Variants in SDK1 observed in about 807,000 individuals in gnomAD.
SDK1 encodes sidekick cell adhesion molecule 1, also known as protein sidekick-1.
SDK1 carries 157 observed loss-of-function variants against 245.5 expected under a neutral mutation model. The ratio of observed to expected loss-of-function variants is 0.64; its 90% CI spans 0.56 to 0.73. SDK1 has a LOEUF of 0.73. Among genes scored for constraint, SDK1 ranks in the 30% least tolerant of loss-of-function variants. SDK1 has a pLI of 0.00. For missense variants in SDK1, 3,583 were observed against 3,002.3 expected, an observed-to-expected ratio of 1.19 and a Z score of -4.52; for synonymous variants, 1,647 against 1,278.5, an observed-to-expected ratio of 1.29 and a Z score of -6.15.
rs187029351 is a variant in SDK1 at position 3,543,653 on chromosome 7, G to C, written c.299-75427G>C. ...GGTGCACTCTGTATGTTTCTCAGCA[G>C]GCAGAGCGCTGGGTTTGTTGAGTGA... On this transcript the variant is annotated intron_variant, in intron 1 of 44. Transcript: ENST00000404826. 2.6e-3 allele frequency among the ~76,000 whole-genome samples: 392 copies of C among 149,916 alleles called. 2 individuals carry two copies. The highest frequency in any genetic ancestry group is 9.5e-3 in the African/African-American group (373 of 39,250).
At chr7:3,772,270 T>G (rs933059861) in intron 4 of SDK1, among the ~76,000 whole-genome samples, 11 of 152,122 alleles carry the variant, frequency 7.2e-5, no homozygotes, top group Non-Finnish European at 1.2e-4. Flanking sequence ...ATATTCTACG[T>G]CTGTTTTTCT....
At chr7:3,834,370 A>G (rs74890490) in intron 5 of SDK1, among the ~76,000 whole-genome samples, 5,816 of 152,334 alleles carry the variant, frequency 0.038, 168 homozygotes, top group Middle Eastern at 0.095. Flanking sequence ...GCACCAGGAA[A>G]TGACAGGAAC....
At chr7:4,151,264 C>G (rs1266324186) in intron 30 of SDK1, among the ~76,000 whole-genome samples, 1 of 152,170 alleles carries the variant, frequency 6.6e-6, no homozygotes, top group African/African-American at 2.4e-5. Flanking sequence ...AGCTCCAGCT[C>G]TCTGTGGCCC....
chr7:3,639,106 C>A lies in SDK1; in HGVS notation c.561C>A (p.Val187=), dbSNP rs369937179. The A allele has an allele frequency of 1.3e-6, 2 of 1,583,894 alleles. No homozygotes were observed. Among genetic ancestry groups the A allele is most frequent in the South Asian group, 1.1e-5 (1 of 88,196 alleles). ...ALLQRKSEVQ[V]AYMGSFMDTD... is the part of the protein sequence containing the mutation. ...TGCAAAGAAAATCAGAAGTTCAAGT[C>A]GCATGTATGTGTACAGTAAGGAGAT... Residue 187 remains valine, a synonymous_variant, in exon 3 of 45, where the codon GTC becomes GTA. Transcript: ENST00000404826.
chr7:3,941,457 G>GC (rs1004138575), intron 5 of SDK1, among the ~76,000 whole-genome samples: 78 of 151,766 alleles, frequency 5.1e-4, no homozygotes, highest in Admixed American at 3.0e-3. Context: ...CCACGCCCAT[G>GC]CCCCCCCACT....
intron 22 of SDK1, among the ~76,000 whole-genome samples, chr7:4,088,458 A>G (rs971831656): frequency 6.6e-6 from 1 of 152,130 alleles, no homozygotes; most frequent in African/African-American, 2.4e-5. Flanking sequence ...ATCATCAGGT[A>G]TGACATTTAC....
intron 1 of SDK1, among the ~76,000 whole-genome samples, chr7:3,566,891 C>G (rs188603357): frequency 2.0e-5 from 3 of 152,030 alleles, no homozygotes; most frequent in African/African-American, 7.2e-5. Context: ...CCTTATTACA[C>G]TAGCAAGAGT....
chr7:4,181,252 G>A (rs139281101), intron 35 of SDK1, among the ~76,000 whole-genome samples: 41 of 152,354 alleles, frequency 2.7e-4, no homozygotes, highest in Middle Eastern at 3.4e-3. Flanking sequence ...AGGTTCAACC[G>A]GGTTGTAGCA....
chr7:3,386,195 TATC>T (rs1428643149), intron 1 of SDK1, among the ~76,000 whole-genome samples: 1 of 152,200 alleles, frequency 6.6e-6, no homozygotes, highest in Non-Finnish European at 1.5e-5. Context: ...CCAGCCAAAT[TATC>T]ATAACTGATT....
chr7:3,725,119 A>G (rs1778970641), intron 4 of SDK1, among the ~76,000 whole-genome samples: 1 of 152,182 alleles, frequency 6.6e-6, no homozygotes, highest in Non-Finnish European at 1.5e-5. Flanking sequence ...CTTTTTCAGT[A>G]GATAGAGGAA....
chr7:3,584,099 C>T (rs544103538), intron 1 of SDK1, among the ~76,000 whole-genome samples: 1 of 152,164 alleles, frequency 6.6e-6, no homozygotes, highest in Non-Finnish European at 1.5e-5. Context: ...ATACTTTTTC[C>T]CTTAGTATGT....
At chr7:3,565,976 AATG>A (rs1402968909) in intron 1 of SDK1, among the ~76,000 whole-genome samples, 3 of 152,218 alleles carry the variant, frequency 2.0e-5, no homozygotes, top group Admixed American at 6.5e-5. Flanking sequence ...TCCAATTAAA[AATG>A]AATAAAAACA....
rs375251337 is a variant in SDK1, at chr7:3,571,723, G to A, written c.299-47357G>A. 2.0e-5 allele frequency among the ~76,000 whole-genome samples: 3 copies of A among 152,060 alleles called. No individual in the cohort carries two copies. The East Asian group carries it at 5.8e-4, about 29-fold the overall frequency. ...AGTAATCTGCTTTGAATCATGTGAG[G>A]AGCTCAATGAATATAACATTCTTGG... On this transcript the variant is annotated intron_variant, in intron 1 of 44. Transcript: ENST00000404826.
At chr7:4,197,075 C>T (rs193250940) in intron 35 of SDK1, among the ~76,000 whole-genome samples, 12 of 152,168 alleles carry the variant, frequency 7.9e-5, no homozygotes, top group Non-Finnish European at 1.0e-4. Context: ...GCAATCCACA[C>T]GGGCAAACAT....
chr7:4,051,863 A>C lies in SDK1; in HGVS notation c.2911+33A>C, dbSNP rs762513834. On this transcript the variant is annotated intron_variant, in intron 19 of 44. Coordinates refer to ENST00000404826, the MANE Select transcript of SDK1 (RefSeq NM_152744.4). ...TTCCTTTCTGCGTGTCTCTTAAGTC[A>C]CTTGTCAAAGAGGTGTATACCGCTG... The C allele has an allele frequency of 5.1e-6, 8 of 1,580,800 alleles. No homozygotes were observed. The African/African-American group carries it at 8.1e-5, about 16-fold the overall frequency.
rs1780117620 is a variant in SDK1, at chr7:3,571,568, G to T, written c.299-47512G>T. ...GATCTTCCTGCCTTAGCCTCCCAAA[G>T]TGTGAGATTACAGGTGTGAGCCACG... On this transcript the variant is annotated intron_variant, in intron 1 of 44. Transcript: ENST00000404826. 1.3e-5 allele frequency among the ~76,000 whole-genome samples: 2 copies of T among 152,056 alleles called. 1 individual carries two copies. The highest frequency in any genetic ancestry group is 2.9e-5 in the Non-Finnish European group (2 of 67,966).
intron 4 of SDK1, among the ~76,000 whole-genome samples, chr7:3,731,983 G>A (rs1023536424): frequency 4.6e-5 from 7 of 152,104 alleles, no homozygotes; most frequent in Non-Finnish European, 8.8e-5. Context: ...GTAGAGATGG[G>A]GTTTCACCGT....
chr7:3,672,479 A>G (rs990431052), intron 4 of SDK1, among the ~76,000 whole-genome samples: 1 of 150,752 alleles, frequency 6.6e-6, no homozygotes, highest in Non-Finnish European at 1.5e-5. Context: ...TAGGACATAC[A>G]GGCAAAGAAG....
intron 1 of SDK1, among the ~76,000 whole-genome samples, chr7:3,454,357 T>C (rs923810892): frequency 2.0e-5 from 3 of 151,774 alleles, no homozygotes; most frequent in Non-Finnish European, 4.4e-5. Flanking sequence ...CTTTTATTAA[T>C]GCATTTCGAT....
Sources: gnomAD v4.1 joint callset for allele counts (sites outside exome capture counted in the v4.1 genomes callset) on GRCh38, gnomAD v4.1.1 for gene constraint, MANE v1.5 for transcripts, NCBI Gene and HGNC (gene_info 2026-07-23, HGNC 2026-07-21) for gene names.